RCAN2: variants seen among roughly 807,000 people sequenced by gnomAD.
The protein encoded by RCAN2 is regulator of calcineurin 2.
In RCAN2, 9 loss-of-function variants were observed where a neutral mutation model predicts 23.6. That is an observed-to-expected ratio of 0.38 (90% confidence interval 0.23 to 0.67). RCAN2 has a LOEUF of 0.67. Among genes scored for constraint, RCAN2 ranks in the 30% least tolerant of loss-of-function variants. The pLI is 0.51. For missense variants in RCAN2, 273 were observed against 302.3 expected (o/e 0.90, Z 0.72); for synonymous variants, 109 against 115.7 (o/e 0.94, Z 0.37).
chr6:46,280,382 T>C (rs1767863897), intron 2 of RCAN2, among the ~76,000 whole-genome samples: 2 of 152,158 alleles, frequency 1.3e-5, no homozygotes, highest in Non-Finnish European at 2.9e-5. Context: ...CACCAGAACA[T>C]TGAACCTTTG....
intron 2 of RCAN2, among the ~76,000 whole-genome samples, chr6:46,449,724 A>C (rs1292576043): frequency 6.6e-6 from 1 of 151,958 alleles, no homozygotes; most frequent in African/African-American, 2.4e-5. Flanking sequence ...CAACGAAGAA[A>C]AAACAGTTTC....
At chr6:46,442,953 G>C (rs1457147443) in intron 2 of RCAN2, among the ~76,000 whole-genome samples, 1 of 152,038 alleles carries the variant, frequency 6.6e-6, no homozygotes, top group African/African-American at 2.4e-5. Flanking sequence ...CCCCACACTG[G>C]GCCTCTCATC....
chr6:46,361,043 T>C (rs1224167708), intron 2 of RCAN2, among the ~76,000 whole-genome samples: 1 of 124,120 alleles, frequency 8.1e-6, no homozygotes, highest in Non-Finnish European at 1.9e-5. Context: ...GGATGCTCCT[T>C]AAATCACAAA....
At position 46,221,957 on chromosome 6, in the gene RCAN2, C is replaced by G. The variant is rs1581997247; in HGVS notation, c.*1184G>C. The G allele has an allele frequency of 7.5e-6, 3 of 398,566 alleles. No individual in the cohort carries two copies. The highest frequency in any genetic ancestry group is 1.3e-5 in the Non-Finnish European group (3 of 226,030). 24.7% of individuals were successfully genotyped at this position (398,566 alleles called of 1,614,324 possible). A position where few individuals can be genotyped will look rare whatever the true frequency, so the allele number is the denominator to read the frequency against. On this transcript the variant is annotated 3_prime_UTR_variant, in exon 5 of 5. Coordinates refer to ENST00000371374, the MANE Select transcript of RCAN2 (RefSeq NM_001251974.2). ...ACGGGTGTCGCGTGAGTAGGACCGGCATACATGTAGCTATCATCCTTCCCC... is the reference window on the plus strand; with the variant it reads ...ACGGGTGTCGCGTGAGTAGGACCGGGATACATGTAGCTATCATCCTTCCCC...
At chr6:46,378,445 G>C (rs1765537849) in intron 2 of RCAN2, among the ~76,000 whole-genome samples, 1 of 152,156 alleles carries the variant, frequency 6.6e-6, no homozygotes. Flanking sequence ...TTGAGATCTG[G>C]TCTTCTGGTA....
In RCAN2 at chr6:46,222,001, G is replaced by T. The variant is rs148050897; in HGVS notation, c.*1140C>A. On this transcript the variant is annotated 3_prime_UTR_variant, in exon 5 of 5. Coordinates refer to ENST00000371374, the MANE Select transcript of RCAN2 (RefSeq NM_001251974.2). ...CTTCCCCATTTTAACATGCTCAGCT[G>T]CTGCTGCATTCTGGGGATTTAGCTT... The T allele has an allele frequency of 2.6e-3, 1,055 of 398,524 alleles. 10 individuals carry two copies. Among genetic ancestry groups the T allele is most frequent in the African/African-American group, 0.02 (959 of 48,732 alleles). 24.7% of individuals were successfully genotyped at this position (398,524 alleles called of 1,614,324 possible). A position where few individuals can be genotyped will look rare whatever the true frequency, so the allele number is the denominator to read the frequency against.
At chr6:46,350,124 G>A (rs1292411614) in intron 2 of RCAN2, among the ~76,000 whole-genome samples, 2 of 152,012 alleles carry the variant, frequency 1.3e-5, no homozygotes, top group Non-Finnish European at 2.9e-5. Context: ...TAAGATCCAC[G>A]AGGGCAGGAA....
chr6:46,296,090 T>C (rs1470390036), intron 2 of RCAN2, among the ~76,000 whole-genome samples: 3 of 150,386 alleles, frequency 2.0e-5, no homozygotes, highest in African/African-American at 7.4e-5. Context: ...TGTGTGTGTG[T>C]GTGTGTGTGT....
chr6:46,400,183 G>T (rs76413721), intron 2 of RCAN2, among the ~76,000 whole-genome samples: 2 of 152,184 alleles, frequency 1.3e-5, no homozygotes, highest in East Asian at 3.9e-4. Flanking sequence ...GGGTGAGGGG[G>T]CTGCCCAGCT....
intron 2 of RCAN2, among the ~76,000 whole-genome samples, chr6:46,449,006 G>A (rs1394767467): frequency 6.6e-6 from 1 of 151,840 alleles, no homozygotes; most frequent in Non-Finnish European, 1.5e-5. Flanking sequence ...AGAAATAAAA[G>A]GAATCCAAAC....
intron 1 of RCAN2, among the ~76,000 whole-genome samples, chr6:46,463,520 C>T (rs1768282173): frequency 1.3e-5 from 2 of 152,150 alleles, no homozygotes; most frequent in African/African-American, 2.4e-5. Flanking sequence ...ATCCAAGGAA[C>T]AGGGTGATGA....
At position 46,456,807 on chromosome 6, in the gene RCAN2, T is replaced by C; in HGVS notation, c.170A>G (p.Asn57Ser). 1 of 1,550,740 alleles carries C rather than the reference T, an allele frequency of 6.4e-7. No individual in the cohort carries two copies. Reference protein sequence around the residue: ...QAITDFNDLPNSLFACNVHQS... With the variant: ...QAITDFNDLPSSLFACNVHQS... The stretch of plus-strand genomic sequence containing the variant: ...GTGAACATTGCACGCAAACAACGAG[T>C]TGGGGAGGTCATTGAAGTCAGTGAT... The change falls in exon 2 of 5, where the codon AAC becomes AGC. Residue 57 changes from asparagine to serine, a missense_variant. Transcript: ENST00000371374.
rs76940198 is a variant in RCAN2, at chr6:46,251,922, G to A, written c.226-3026C>T. ...AAGGAGCTCTTGCACCAAACCTGGG[G>A]TGTAGTCCAGAGCTCAGGCACCAGG... On this transcript the variant is annotated intron_variant, in intron 2 of 4. Coordinates refer to ENST00000371374, the MANE Select transcript of RCAN2 (RefSeq NM_001251974.2). Among the ~76,000 whole-genome samples, 156 of 152,212 alleles carry A rather than the reference G, an allele frequency of 1.0e-3. 1 individual carries two copies. The East Asian group carries it at 0.014, about 13-fold the overall frequency.
At chr6:46,252,084 G>T (rs1044165845) in intron 2 of RCAN2, among the ~76,000 whole-genome samples, 1 of 152,070 alleles carries the variant, frequency 6.6e-6, no homozygotes. Flanking sequence ...CAAGAATAGG[G>T]ACTTGCTAGC....
intron 2 of RCAN2, among the ~76,000 whole-genome samples, chr6:46,325,063 CTT>C (rs1217782189): frequency 6.6e-6 from 1 of 152,196 alleles, no homozygotes; most frequent in Non-Finnish European, 1.5e-5. Flanking sequence ...CAAAATCCCT[CTT>C]GACATTGAGG....
chr6:46,229,346 C>T (rs1176542962), intron 4 of RCAN2, among the ~76,000 whole-genome samples: 1 of 152,180 alleles, frequency 6.6e-6, no homozygotes, highest in African/African-American at 2.4e-5. Flanking sequence ...GTTCTCCTGG[C>T]TGATATCCTG....
At chr6:46,422,476 T>C (rs1255453063) in intron 2 of RCAN2, among the ~76,000 whole-genome samples, 1 of 151,900 alleles carries the variant, frequency 6.6e-6, no homozygotes, top group East Asian at 1.9e-4. Flanking sequence ...AAAGAGAAGC[T>C]AGTAAAAGAA....
intron 4 of RCAN2, among the ~76,000 whole-genome samples, chr6:46,240,649 C>T (rs1280934449): frequency 6.6e-6 from 1 of 152,072 alleles, no homozygotes; most frequent in Non-Finnish European, 1.5e-5. Flanking sequence ...AGAATCGAGG[C>T]CTTATATAAT....
intron 2 of RCAN2, among the ~76,000 whole-genome samples, chr6:46,395,897 T>C (rs944050559): frequency 6.6e-6 from 1 of 152,232 alleles, no homozygotes; most frequent in African/African-American, 2.4e-5. Context: ...CCCGTTCTGA[T>C]TGTTGAGTTC....
Sources: allele counts gnomAD v4.1 joint callset (sites outside exome capture counted in the v4.1 genomes callset), GRCh38; gene constraint gnomAD v4.1.1; transcripts MANE v1.5; gene names NCBI Gene and HGNC (gene_info 2026-07-23, HGNC 2026-07-21).